TIAM2: variants seen among roughly 807,000 people sequenced by gnomAD.
The protein encoded by TIAM2 is TIAM Rac1 associated GEF 2.
Under a neutral mutation model 152.9 loss-of-function variants are expected in TIAM2, and 80 were observed. The ratio of observed to expected loss-of-function variants is 0.52; its 90% CI spans 0.44 to 0.63. TIAM2 has a LOEUF of 0.63. TIAM2 is among the 30% of genes least tolerant of loss of function. TIAM2 has a pLI of 0.00. For missense variants in TIAM2, 1,965 were observed against 2,120.1 expected, an observed-to-expected ratio of 0.93 and a Z score of 1.44; for synonymous variants, 804 against 838.0, an observed-to-expected ratio of 0.96 and a Z score of 0.70.
intron 1 of TIAM2, among the ~76,000 whole-genome samples, chr6:155,020,019 C>T (rs1232692381): frequency 6.6e-6 from 1 of 152,040 alleles, no homozygotes; most frequent in Non-Finnish European, 1.5e-5. Context: ...CGCCACTGCA[C>T]TCCAGCCTGG....
intron 9 of TIAM2, among the ~76,000 whole-genome samples, chr6:155,175,437 A>AT (rs2115126584): frequency 6.6e-6 from 1 of 152,264 alleles, no homozygotes; most frequent in Admixed American, 6.5e-5. Flanking sequence ...GATGAATGAT[A>AT]TATAATAATG....
At chr6:155,078,528 T>A (rs1241524803) in intron 1 of TIAM2, among the ~76,000 whole-genome samples, 2 of 152,232 alleles carry the variant, frequency 1.3e-5, no homozygotes, top group African/African-American at 2.4e-5. Flanking sequence ...TCACCCATGC[T>A]GTCCTCCTTA....
chr6:155,168,202 A>G (rs1489188178), intron 9 of TIAM2, among the ~76,000 whole-genome samples: 1 of 152,148 alleles, frequency 6.6e-6, no homozygotes, highest in African/African-American at 2.4e-5. Context: ...TCTTCTACCC[A>G]AACAAACCAC....
chr6:155,183,997 A>AT (rs1041910007), intron 14 of TIAM2, among the ~76,000 whole-genome samples: 140 of 150,826 alleles, frequency 9.3e-4, no homozygotes, highest in Middle Eastern at 3.4e-3. Flanking sequence ...TTTTATTTTT[A>AT]TTTTTTTTTG....
chr6:155,094,387 A>G (rs1778366276), intron 2 of TIAM2, among the ~76,000 whole-genome samples: 1 of 152,178 alleles, frequency 6.6e-6, no homozygotes, highest in East Asian at 1.9e-4. Flanking sequence ...TAGTAATGGA[A>G]AAACTAAAGA....
intron 1 of TIAM2, among the ~76,000 whole-genome samples, chr6:155,003,403 C>G (rs187989453): frequency 3.9e-5 from 6 of 152,150 alleles, no homozygotes; most frequent in African/African-American, 1.4e-4. Flanking sequence ...TTACTTGAAC[C>G]CGGGAGGCAG....
chr6:155,029,355 TTA>T (rs200450296), intron 1 of TIAM2, among the ~76,000 whole-genome samples: 1 of 67,572 alleles, frequency 1.5e-5, no homozygotes, highest in African/African-American at 6.5e-5. Flanking sequence ...TATATATACG[TTA>T]TATATAATAT....
intron 1 of TIAM2, among the ~76,000 whole-genome samples, chr6:155,047,480 A>G (rs554838890): frequency 5.9e-5 from 9 of 152,204 alleles, no homozygotes; most frequent in Admixed American, 1.3e-4. Flanking sequence ...GTGCTTGGCC[A>G]TCACCTGAAG....
Position 155,256,698 on chromosome 6 carries a change from C to T in TIAM2, c.4683C>T (p.Leu1561=). The change falls in exon 27 of 27, where the codon CTC becomes CTT. Residue 1561 remains leucine (L), a synonymous_variant. Coordinates refer to ENST00000682666, the MANE Select transcript of TIAM2 (RefSeq NM_012454.4). Reference sequence around the variant, plus strand: ...GCTTGGCAGATTTTGCCGACAATCTCATCAAAGAGAGTGACATCCTGAGCG... The same window carrying T: ...GCTTGGCAGATTTTGCCGACAATCTTATCAAAGAGAGTGACATCCTGAGCG... ...HPGLADFADN[L]IKESDILSDE... The T allele has an allele frequency of 1.2e-6, 2 of 1,614,212 alleles. No homozygotes were observed. The highest frequency in any genetic ancestry group is 1.7e-6 in the Non-Finnish European group (2 of 1,180,044).
intron 9 of TIAM2, among the ~76,000 whole-genome samples, chr6:155,171,553 GA>G (rs199847364): frequency 3.4e-5 from 5 of 146,436 alleles, no homozygotes; most frequent in East Asian, 2.0e-4. Flanking sequence ...GCTGTAAACT[GA>G]AAAAAAAACC....
intron 1 of TIAM2, among the ~76,000 whole-genome samples, chr6:155,061,606 C>T (rs1055992476): frequency 9.2e-5 from 14 of 152,130 alleles, no homozygotes; most frequent in Admixed American, 6.5e-4. Context: ...ATAAATTTAC[C>T]GTCTACAGGG....
intron 2 of TIAM2, among the ~76,000 whole-genome samples, chr6:155,106,366 A>T (rs1347425039): frequency 6.6e-6 from 1 of 152,060 alleles, no homozygotes; most frequent in Non-Finnish European, 1.5e-5. Context: ...ACCCCAAAAC[A>T]CTCTGAACCT....
At chr6:155,064,772 T>C (rs1777652109) in intron 1 of TIAM2, among the ~76,000 whole-genome samples, 1 of 152,098 alleles carries the variant, frequency 6.6e-6, no homozygotes, top group Non-Finnish European at 1.5e-5. Context: ...TATTCCCAGC[T>C]CTAGTTACTG....
At chr6:155,071,692 C>T (rs139400839) in intron 1 of TIAM2, among the ~76,000 whole-genome samples, 117 of 152,132 alleles carry the variant, frequency 7.7e-4, no homozygotes, top group African/African-American at 2.7e-3. Flanking sequence ...GTCAGGAGTT[C>T]AAGACTAGCC....
At chr6:155,038,669 A>C (rs1248967464) in intron 1 of TIAM2, among the ~76,000 whole-genome samples, 1 of 152,178 alleles carries the variant, frequency 6.6e-6, no homozygotes, top group Non-Finnish European at 1.5e-5. Context: ...GCAGTGGCTC[A>C]TGCCTGTAAT....
chr6:155,179,187 A>T, intron 11 of TIAM2, 44 bp downstream of exon 11: 2 of 1,545,666 alleles, frequency 1.3e-6, no homozygotes, highest in Non-Finnish European at 1.8e-6. Context: ...AACCACATCT[A>T]TGGCCCTTTG....
chr6:155,168,911 A>G, intron 9 of TIAM2: 1 of 1,534,788 alleles, frequency 6.5e-7, no homozygotes, highest in Middle Eastern at 1.7e-4. Context: ...CAGTAACTCC[A>G]GTGAGGTAAA....
At chr6:155,120,241 A>C (rs1476491721) in intron 2 of TIAM2, among the ~76,000 whole-genome samples, 2 of 152,250 alleles carry the variant, frequency 1.3e-5, no homozygotes, top group Non-Finnish European at 2.9e-5. Flanking sequence ...GGGTCTATCC[A>C]TTCATCTGTT....
Position 155,072,653 on chromosome 6 carries a change from G to C in TIAM2, c.-208-17636G>C, listed in dbSNP as rs537404610. Among the ~76,000 whole-genome samples the C allele has an allele frequency of 2.0e-5, 3 of 152,268 alleles. No individual in the cohort carries two copies. The East Asian group carries it at 5.8e-4, about 29-fold the overall frequency. ...GTACATCTGGTAGGTGGGTAAGTGG[G>C]TCTGGAACTCAGAAGAAATAGAGTC... On this transcript the variant is annotated intron_variant, in intron 1 of 26. Transcript: ENST00000682666.
Sources: gnomAD v4.1 joint callset for allele counts (sites outside exome capture counted in the v4.1 genomes callset) on GRCh38, gnomAD v4.1.1 for gene constraint, MANE v1.5 for transcripts, NCBI Gene and HGNC (gene_info 2026-07-23, HGNC 2026-07-21) for gene names.